Variants in TCERG1L observed in about 807,000 individuals in gnomAD.
TCERG1L encodes the protein transcription elongation regulator 1 like, also known as transcription elongation regulator 1-like protein.
Under a neutral mutation model 56.3 loss-of-function variants are expected in TCERG1L, and 37 were observed. The ratio of observed to expected loss-of-function variants is 0.66; its 90% CI spans 0.51 to 0.87. The LOEUF (loss-of-function observed/expected upper bound fraction) is 0.87, where lower values mean the gene tolerates loss of function less well. Ranked by LOEUF, TCERG1L falls within the 40% of genes least tolerant of loss-of-function variation. The pLI is 0.00. For missense variants in TCERG1L, 799 were observed against 774.2 expected (o/e 1.03, Z -0.38); for synonymous variants, 324 against 326.3 (o/e 0.99, Z 0.08).
intron 4 of TCERG1L, among the ~76,000 whole-genome samples, chr10:131,222,354 G>A (rs761585910): frequency 5.9e-5 from 9 of 152,224 alleles, no homozygotes; most frequent in East Asian, 3.9e-4. Flanking sequence ...CTTACTACTC[G>A]TGGATGAATT....
chr10:131,118,636 C>A lies in TCERG1L; in HGVS notation c.1260-1702G>T, dbSNP rs563843693. On this transcript the variant is annotated intron_variant, in intron 8 of 11. Coordinates refer to ENST00000368642, the MANE Select transcript of TCERG1L (RefSeq NM_174937.4). The surrounding 1 kb of genome is among the most constrained non-coding windows in gnomAD (Gnocchi z 4.2). Reference sequence around the variant, plus strand: ...GCTGAGGTTGGTTCAGCCAAAACCCCCCGATCCCTGAGGTCTGCTCTTGGT... The same window carrying A: ...GCTGAGGTTGGTTCAGCCAAAACCCACCGATCCCTGAGGTCTGCTCTTGGT... 6.6e-6 allele frequency among the ~76,000 whole-genome samples: 1 copy of A among 152,238 alleles called. No individual in the cohort carries two copies. Among genetic ancestry groups the A allele is most frequent in the South Asian group, 2.1e-4 (1 of 4,816 alleles).
intron 4 of TCERG1L, among the ~76,000 whole-genome samples, chr10:131,195,808 T>A (rs1845355407): frequency 6.6e-6 from 1 of 152,184 alleles, no homozygotes; most frequent in Non-Finnish European, 1.5e-5. Context: ...CAAGGCCTTC[T>A]GGGCACTTCT....
chr10:131,285,833 C>A (rs940456686), intron 3 of TCERG1L, among the ~76,000 whole-genome samples: 1 of 151,944 alleles, frequency 6.6e-6, no homozygotes. Flanking sequence ...AAAATTCATC[C>A]CTAAAATATT....
chr10:131,204,120 A>G (rs1205397895), intron 4 of TCERG1L, among the ~76,000 whole-genome samples: 3 of 152,220 alleles, frequency 2.0e-5, no homozygotes, highest in Non-Finnish European at 4.4e-5. Flanking sequence ...CTGCCATGGG[A>G]GGACACAGCA....
At chr10:131,094,081 G>A (rs769304281) in intron 11 of TCERG1L, among the ~76,000 whole-genome samples, 17 of 152,218 alleles carry the variant, frequency 1.1e-4, no homozygotes, top group South Asian at 2.1e-4. Context: ...TCAAGGCTAC[G>A]GCAGCTTAGA....
chr10:131,126,856 G>T (rs1845570827), intron 8 of TCERG1L, among the ~76,000 whole-genome samples: 2 of 152,210 alleles, frequency 1.3e-5, no homozygotes, highest in Admixed American at 6.5e-5. Context: ...CTCAACCTGA[G>T]ATCTTGGTCT....
intron 4 of TCERG1L, among the ~76,000 whole-genome samples, chr10:131,251,995 G>A (rs1846116197): frequency 2.0e-5 from 3 of 152,144 alleles, no homozygotes; most frequent in Admixed American, 1.3e-4. Flanking sequence ...CTGTGAATCC[G>A]ATGGGGGACC....
intron 4 of TCERG1L, among the ~76,000 whole-genome samples, chr10:131,179,230 C>T (rs944388211): frequency 4.6e-5 from 7 of 152,224 alleles, no homozygotes; most frequent in African/African-American, 1.4e-4. Flanking sequence ...GCAGCCCCCA[C>T]GCAGCCACGT....
chr10:131,107,184 A>C (rs1845360575), intron 9 of TCERG1L, among the ~76,000 whole-genome samples: 1 of 152,182 alleles, frequency 6.6e-6, no homozygotes, highest in African/African-American at 2.4e-5. Flanking sequence ...ATGGGCAGCC[A>C]CCACTCAGCC....
At chr10:131,170,693 G>A (rs779167245) in intron 4 of TCERG1L, among the ~76,000 whole-genome samples, 1 of 152,170 alleles carries the variant, frequency 6.6e-6, no homozygotes, top group Non-Finnish European at 1.5e-5. Context: ...CAGCACGACC[G>A]TCCTTGCTGG....
chr10:131,100,160 C>T (rs552018234), intron 10 of TCERG1L, among the ~76,000 whole-genome samples: 2 of 152,096 alleles, frequency 1.3e-5, no homozygotes, highest in Non-Finnish European at 2.9e-5. Context: ...AGCCACCACG[C>T]CAAGCCATAA....
chr10:131,146,602 A>G lies in TCERG1L; in HGVS notation c.1093T>C (p.Ser365Pro), dbSNP rs1371387172. 1.2e-6 allele frequency: 2 copies of G among 1,613,850 alleles called. No homozygotes were observed. Among genetic ancestry groups the G allele is most frequent in the East Asian group, 2.2e-5 (1 of 44,858 alleles). The change falls in exon 7 of 12, where the codon TCT becomes CCT. Residue 365 changes from serine to proline, a missense_variant. Physicochemically the swap from Ser to Pro is moderately conservative, Grantham distance 74. Transcript: ENST00000368642. ...AGGTCCATGGGCTTCTCCCAGACAG[A>G]CAGGTGCATCGTTGGGTTGAAGAAG... is the stretch of plus-strand genomic sequence containing the variant. ...VFFFNPTMHL[S>P]VWEKPMDLKD...
chr10:131,168,783 G>A (rs1057491529), intron 4 of TCERG1L, among the ~76,000 whole-genome samples: 3 of 152,126 alleles, frequency 2.0e-5, no homozygotes, highest in Non-Finnish European at 4.4e-5. Flanking sequence ...GGCCTCCTCC[G>A]TCATTGCCAC....
Position 131,164,773 on chromosome 10 carries a change from G to A in TCERG1L, c.946-1563C>T, listed in dbSNP as rs188846635. Among the ~76,000 whole-genome samples the A allele has an allele frequency of 3.5e-4, 53 of 152,260 alleles. 1 individual carries two copies. Among genetic ancestry groups the A allele is most frequent in the Admixed American group, 1.1e-3 (17 of 15,306 alleles). Reference sequence around the variant, plus strand: ...TTTTAGAATCTCTGTTTCTACCATCGTTGATGTTGGTACTTTAGGAGGCAG... The same window carrying A: ...TTTTAGAATCTCTGTTTCTACCATCATTGATGTTGGTACTTTAGGAGGCAG... On this transcript the variant is annotated intron_variant, in intron 5 of 11. Coordinates refer to ENST00000368642, the MANE Select transcript of TCERG1L (RefSeq NM_174937.4).
At chr10:131,203,219 G>T (rs968900481) in intron 4 of TCERG1L, among the ~76,000 whole-genome samples, 1 of 151,272 alleles carries the variant, frequency 6.6e-6, no homozygotes, top group African/African-American at 2.4e-5. Flanking sequence ...CGCTCTCTGG[G>T]TTACAGAGCA....
chr10:131,174,972 C>T (rs1846132677), intron 4 of TCERG1L, among the ~76,000 whole-genome samples: 1 of 152,174 alleles, frequency 6.6e-6, no homozygotes, highest in Non-Finnish European at 1.5e-5. Flanking sequence ...TAATGGGACC[C>T]CACCCCCGCA....
Position 131,311,227 on chromosome 10 carries a change from C to A in TCERG1L, c.342+67G>T. On this transcript the variant is annotated intron_variant, in intron 1 of 11. Coordinates refer to ENST00000368642, the MANE Select transcript of TCERG1L (RefSeq NM_174937.4). This position sits in a 1 kb window ranked among gnomAD's most constrained non-coding sequence, Gnocchi z 4.0. ...CGCGAGCCGGAGGCCAGAGCCGGGC[C>A]GGGCAGGGCGCGCCCAGGAGCAGGG... 1 of 1,099,596 alleles carries A rather than the reference C, an allele frequency of 9.1e-7. No individual in the cohort carries two copies. 68.1% of individuals were successfully genotyped at this position (1,099,596 alleles called of 1,614,324 possible).
intron 4 of TCERG1L, among the ~76,000 whole-genome samples, chr10:131,256,655 G>T (rs1301897576): frequency 6.6e-6 from 1 of 152,084 alleles, no homozygotes; most frequent in African/African-American, 2.4e-5. Context: ...GGAGGCGGAG[G>T]TGGGCGGATC....
At chr10:131,149,808 G>A (rs753082709) in intron 6 of TCERG1L, among the ~76,000 whole-genome samples, 2 of 152,178 alleles carry the variant, frequency 1.3e-5, no homozygotes, top group African/African-American at 2.4e-5. Context: ...TGATGCCAGC[G>A]GGGGTGCAGG....
Sources: gnomAD v4.1 joint callset for allele counts (sites outside exome capture counted in the v4.1 genomes callset) on GRCh38, gnomAD v4.1.1 for gene constraint, Gnocchi (gnomAD v3.1) non-coding constraint, MANE v1.5 for transcripts, NCBI Gene and HGNC (gene_info 2026-07-23, HGNC 2026-07-21) for gene names.